Variants in PRKG1 observed in about 807,000 individuals in gnomAD.
PRKG1 encodes cGMP-dependent protein kinase 1.
In PRKG1, 35 loss-of-function variants were observed where a neutral mutation model predicts 88.1. The ratio of observed to expected loss-of-function variants is 0.40; its 90% CI spans 0.30 to 0.53. The LOEUF (loss-of-function observed/expected upper bound fraction) is 0.53. Among genes scored for constraint, PRKG1 ranks in the 20% least tolerant of loss-of-function variants. The probability of loss-of-function intolerance (pLI) is 0.59; values close to 1 mark genes in which losing one functional copy is unlikely to be tolerated. For missense variants in PRKG1, 540 were observed against 839.8 expected, an observed-to-expected ratio of 0.64 and a Z score of 4.41; for synonymous variants, 303 against 292.5, an observed-to-expected ratio of 1.04 and a Z score of -0.37.
At chr10:51,909,650 G>A (rs912476113) in intron 5 of PRKG1, 1 of 152,206 alleles carries the variant, frequency 6.6e-6, no homozygotes, top group African/African-American at 2.4e-5. Flanking sequence ...AAGGCATAAG[G>A]CCTTGACTGA....
At chr10:51,602,047 T>A (rs1037238523) in intron 3 of PRKG1, among the ~76,000 whole-genome samples, 8 of 152,136 alleles carry the variant, frequency 5.3e-5, no homozygotes, top group Non-Finnish European at 1.2e-4. Flanking sequence ...CTTCGGCCCT[T>A]GTAAATTGGA....
At chr10:51,277,663 G>A (rs1234837310) in intron 2 of PRKG1, among the ~76,000 whole-genome samples, 1 of 152,126 alleles carries the variant, frequency 6.6e-6, no homozygotes, top group Non-Finnish European at 1.5e-5. Context: ...TCCTTGAAGA[G>A]GTCCTTCACA....
intron 5 of PRKG1, among the ~76,000 whole-genome samples, chr10:51,964,499 C>T (rs895143961): frequency 6.6e-6 from 1 of 152,114 alleles, no homozygotes; most frequent in Non-Finnish European, 1.5e-5. Flanking sequence ...ACAAATTTGG[C>T]AGAGCCATGT....
chr10:51,640,879 T>C (rs1839781791), intron 3 of PRKG1, among the ~76,000 whole-genome samples: 1 of 152,170 alleles, frequency 6.6e-6, no homozygotes, highest in African/African-American at 2.4e-5. Context: ...GAATAAAATA[T>C]TTATTCTCTC....
chr10:52,281,465 C>T (rs1842001613), intron 13 of PRKG1, among the ~76,000 whole-genome samples: 1 of 151,956 alleles, frequency 6.6e-6, no homozygotes, highest in African/African-American at 2.4e-5. Context: ...AGCTTGATTC[C>T]ATTTTTAAAG....
chr10:51,294,290 C>A (rs946485999), intron 2 of PRKG1, among the ~76,000 whole-genome samples: 1 of 152,006 alleles, frequency 6.6e-6, no homozygotes, highest in African/African-American at 2.4e-5. Context: ...ATATCATGAT[C>A]CAAATTAATT....
chr10:51,783,879 G>A (rs1383450058), intron 3 of PRKG1, among the ~76,000 whole-genome samples: 1 of 152,234 alleles, frequency 6.6e-6, no homozygotes, highest in Non-Finnish European at 1.5e-5. Context: ...GAAAGTGTGT[G>A]ATGTGAACTT....
chr10:51,738,812 G>T (rs1172192822), intron 3 of PRKG1, among the ~76,000 whole-genome samples: 2 of 152,166 alleles, frequency 1.3e-5, no homozygotes, highest in Non-Finnish European at 2.9e-5. Context: ...ATGTGATTCT[G>T]ATAATTTTTC....
chr10:52,047,307 C>T (rs1564446254), intron 5 of PRKG1, among the ~76,000 whole-genome samples: 1 of 152,060 alleles, frequency 6.6e-6, no homozygotes, highest in Non-Finnish European at 1.5e-5. Context: ...ATCCTTTCGA[C>T]AATGGTTTTT....
intron 2 of PRKG1, among the ~76,000 whole-genome samples, chr10:51,237,921 T>A (rs1202857064): frequency 6.6e-6 from 1 of 152,176 alleles, no homozygotes; most frequent in Non-Finnish European, 1.5e-5. Context: ...TTGGTACAAA[T>A]GAATTCTAGA....
intron 5 of PRKG1, among the ~76,000 whole-genome samples, chr10:51,962,882 A>G (rs1478624644): frequency 6.6e-6 from 1 of 152,194 alleles, no homozygotes; most frequent in Admixed American, 6.5e-5. Context: ...AAGGAATTTA[A>G]TCGGTGAGAT....
intron 2 of PRKG1, among the ~76,000 whole-genome samples, chr10:51,379,866 A>T (rs1837028535): frequency 6.6e-6 from 1 of 152,196 alleles, no homozygotes; most frequent in Non-Finnish European, 1.5e-5. Context: ...TGAATCTCTA[A>T]TCCATTTTTG....
chr10:51,210,454 A>ATAGT (rs1838182954), intron 2 of PRKG1, among the ~76,000 whole-genome samples: 2 of 152,324 alleles, frequency 1.3e-5, no homozygotes, highest in Non-Finnish European at 2.9e-5. Context: ...AAGGCAAGAA[A>ATAGT]TAACTAAGAT....
chr10:52,082,802 A>G (rs1846812531), intron 7 of PRKG1, among the ~76,000 whole-genome samples: 1 of 152,180 alleles, frequency 6.6e-6, no homozygotes, highest in Non-Finnish European at 1.5e-5. Context: ...AGTTTCTGAC[A>G]TAGAGTAGGA....
intron 3 of PRKG1, among the ~76,000 whole-genome samples, chr10:51,483,005 C>CTT (rs1840410366): frequency 1.0e-5 from 1 of 96,880 alleles, no homozygotes; most frequent in Non-Finnish European, 2.0e-5. Context: ...CTTTTCTTTT[C>CTT]TTTCTTTTTT....
At chr10:51,649,784 T>C (rs911182103) in intron 3 of PRKG1, among the ~76,000 whole-genome samples, 5 of 152,200 alleles carry the variant, frequency 3.3e-5, no homozygotes, top group African/African-American at 1.2e-4. Context: ...AAATATCTCC[T>C]AGAGGTTTCC....
chr10:51,737,823 G>T (rs1052194626), intron 3 of PRKG1, among the ~76,000 whole-genome samples: 4 of 150,960 alleles, frequency 2.6e-5, no homozygotes, highest in Admixed American at 2.0e-4. Flanking sequence ...GAGTGCAATG[G>T]CACCATCTCG....
chr10:51,591,167 CTG>C (rs1838303267), intron 3 of PRKG1, among the ~76,000 whole-genome samples: 1 of 149,338 alleles, frequency 6.7e-6, no homozygotes, highest in African/African-American at 2.5e-5. Flanking sequence ...GTGTGTGTGC[CTG>C]TGTGTGCACA....
intron 3 of PRKG1, among the ~76,000 whole-genome samples, chr10:51,541,309 C>T (rs1379218393): frequency 2.0e-5 from 3 of 152,214 alleles, no homozygotes; most frequent in African/African-American, 7.2e-5. Context: ...TTAACGCTCA[C>T]TCATCTTCCA....
Sources: gnomAD v4.1 joint callset for allele counts (sites outside exome capture counted in the v4.1 genomes callset) on GRCh38, gnomAD v4.1.1 for gene constraint, MANE v1.5 for transcripts, NCBI Gene and HGNC (gene_info 2026-07-23, HGNC 2026-07-21) for gene names.